Variants in NFS1 observed in about 807,000 individuals in gnomAD.
The protein encoded by NFS1 is NFS1 cysteine desulfurase, also known as cysteine desulfurase.
A neutral mutation model predicts 57.3 loss-of-function variants in NFS1; 26 were observed. The ratio of observed to expected loss-of-function variants is 0.45; its 90% CI spans 0.33 to 0.63. The LOEUF (loss-of-function observed/expected upper bound fraction) is 0.63, where lower values mean the gene tolerates loss of function less well. NFS1 is among the 20% of genes least tolerant of loss of function. NFS1 has a pLI of 0.02. For missense variants in NFS1, 505 were observed against 605.8 expected (o/e 0.83, Z 1.75); for synonymous variants, 209 against 216.3 (o/e 0.97, Z 0.30).
intron 5 of NFS1, among the ~76,000 whole-genome samples, chr20:35,688,363 T>C (rs1200109885): frequency 6.6e-6 from 1 of 152,106 alleles, no homozygotes; most frequent in East Asian, 1.9e-4. Context: ...GAGACCAGCC[T>C]GGCCAAGATG....
Position 35,672,747 on chromosome 20 carries a change from A to C in NFS1, c.1310+8T>G. ...TCTTCCAAAGCGTCTCTGATACAAT[A>C]TGTATACCTCATTTCTCGAAGACGC... On this transcript the variant is annotated splice_region_variant and intron_variant, in intron 12 of 12. Transcript: ENST00000374092. The C allele has an allele frequency of 6.3e-7, 1 of 1,578,642 alleles. No homozygotes were observed. The highest frequency in any genetic ancestry group is 8.7e-7 in the Non-Finnish European group (1 of 1,147,600).
At position 35,697,738 on chromosome 20, in the gene NFS1, G is replaced by T; in HGVS notation, c.270C>A (p.Ser90=). The T allele has an allele frequency of 6.2e-7, 1 of 1,613,956 alleles. No homozygotes were observed. The highest frequency in any genetic ancestry group is 8.5e-7 in the Non-Finnish European group (1 of 1,179,964). ...TCTCCCAGCCATAAGCATGTGTCCG[G>T]GAGTGTGGGTTCCCATAGTAGTTGA... is the stretch of plus-strand genomic sequence containing the variant. The part of the protein sequence containing the change: ...YLINYYGNPH[S]RTHAYGWESE... The change falls in exon 3 of 13, where the codon TCC becomes TCA. Residue 90 remains serine, a synonymous_variant. Coordinates refer to ENST00000374092, the MANE Select transcript of NFS1 (RefSeq NM_021100.5).
At chr20:35,688,211 T>C (rs1161310023) in intron 5 of NFS1, among the ~76,000 whole-genome samples, 1 of 151,798 alleles carries the variant, frequency 6.6e-6, no homozygotes, top group Non-Finnish European at 1.5e-5. Flanking sequence ...ATCGTGCCAT[T>C]GCACTCCAGC....
At position 35,678,681 on chromosome 20, in the gene NFS1, C is replaced by T. The variant is rs943233063; in HGVS notation, c.790+2056G>A. Among the ~76,000 whole-genome samples the T allele has an allele frequency of 2.0e-5, 3 of 151,724 alleles. No individual in the cohort carries two copies. The South Asian group carries it at 6.2e-4, about 32-fold the overall frequency. On this transcript the variant is annotated intron_variant, in intron 7 of 12. Coordinates refer to ENST00000374092, the MANE Select transcript of NFS1 (RefSeq NM_021100.5). Reference sequence around the variant, plus strand: ...TCACACCACTGCACTCCAGCCTGGGCGTCAGAGTAAGACTTTGTCTCAAAA... The same window carrying T: ...TCACACCACTGCACTCCAGCCTGGGTGTCAGAGTAAGACTTTGTCTCAAAA...
Position 35,699,150 on chromosome 20 carries a change from G to C in NFS1, c.97+42C>G. 7.3e-7 allele frequency: 1 copy of C among 1,376,520 alleles called. No individual in the cohort carries two copies. Among genetic ancestry groups the C allele is most frequent in the Non-Finnish European group, 9.3e-7 (1 of 1,072,702 alleles). The allele number at this position is 1,376,520 out of a possible 1,614,324, so 85.3% of individuals were successfully genotyped here. On this transcript the variant is annotated intron_variant, in intron 1 of 12. Transcript: ENST00000374092. The surrounding 1 kb of genome is among the most constrained non-coding windows in gnomAD (Gnocchi z 4.4). ...TATTCAGTTGCGTCGCCGCGCGGAG[G>C]GGACAGGTCCGCGCCTCCCGGAGAG...
At chr20:35,692,526 C>CCAAA (rs1568965170) in intron 4 of NFS1, among the ~76,000 whole-genome samples, 4 of 60,398 alleles carry the variant, frequency 6.6e-5, no homozygotes, top group African/African-American at 3.1e-4. Flanking sequence ...ATCATCTATA[C>CCAAA]TAAAAAAAAA....
intron 4 of NFS1, among the ~76,000 whole-genome samples, chr20:35,695,771 G>A (rs1268352621): frequency 6.6e-6 from 1 of 152,092 alleles, no homozygotes; most frequent in Non-Finnish European, 1.5e-5. Flanking sequence ...GCCGGGTACG[G>A]TGGCTCACAC....
rs762413601 is a variant in NFS1 at position 35,690,446 on chromosome 20, G to A, written c.528C>T (p.Leu176=). ...CAATGATCCCACTCTTCTGCACTGG[G>A]AGGTAGGTGACCTGAAAGCCCTCAG... ...LEAEGFQVTY[L]PVQKSGIIDL... Residue 176 remains leucine (L), a synonymous_variant, in exon 5 of 13, where the codon CTC becomes CTT. Coordinates refer to ENST00000374092, the MANE Select transcript of NFS1 (RefSeq NM_021100.5). 2 of 1,613,866 alleles carry A rather than the reference G, an allele frequency of 1.2e-6. No homozygotes were observed. Among genetic ancestry groups the A allele is most frequent in the South Asian group, 2.2e-5 (2 of 91,058 alleles).
Position 35,697,811 on chromosome 20 carries a change from C to A in NFS1, c.208-11G>T. 6.4e-7 allele frequency: 1 copy of A among 1,565,838 alleles called. No homozygotes were observed. The highest frequency in any genetic ancestry group is 1.4e-5 in the African/African-American group (1 of 73,724). On this transcript the variant is annotated splice_polypyrimidine_tract_variant and intron_variant, in intron 2 of 12. Coordinates refer to ENST00000374092, the MANE Select transcript of NFS1 (RefSeq NM_021100.5). ...AAGCACCCGGGGGTCCTGAACACAACAGAACAGATCATTTTCCTTGAGCGC... is the reference window on the plus strand; with the variant it reads ...AAGCACCCGGGGGTCCTGAACACAAAAGAACAGATCATTTTCCTTGAGCGC...
At chr20:35,680,177 C>T (rs1014513702) in intron 7 of NFS1, among the ~76,000 whole-genome samples, 6 of 152,038 alleles carry the variant, frequency 3.9e-5, no homozygotes, top group Admixed American at 6.6e-5. Flanking sequence ...TAGTGGCAGG[C>T]GCCTGTAGTC....
In NFS1 at chr20:35,674,815, G is replaced by C. The variant is rs180988544; in HGVS notation, c.949-198C>G. 88 of 683,952 alleles carry C rather than the reference G, an allele frequency of 1.3e-4. No homozygotes were observed. The East Asian group carries it at 2.2e-3, about 17-fold the overall frequency. 42.4% of individuals were successfully genotyped at this position (683,952 alleles called of 1,614,324 possible). ...AAAGGCGCTTGATAACTGGACACAG[G>C]GTTCATTTACTTATCCAGAAATAAA... On this transcript the variant is annotated intron_variant, in intron 8 of 12. Coordinates refer to ENST00000374092, the MANE Select transcript of NFS1 (RefSeq NM_021100.5).
intron 7 of NFS1, chr20:35,675,472 C>T: frequency 2.1e-6 from 1 of 469,374 alleles, no homozygotes. Context: ...TCATACATTA[C>T]AGTATTATTC....
chr20:35,680,641 CTG>C, intron 7 of NFS1, 94 bp downstream of exon 7: 1 of 1,129,808 alleles, frequency 8.9e-7, no homozygotes, highest in Non-Finnish European at 1.2e-6. Flanking sequence ...ACAACTTCCT[CTG>C]AGAGCAACAG....
At chr20:35,688,744 G>A (rs1318673641) in intron 5 of NFS1, among the ~76,000 whole-genome samples, 1 of 149,774 alleles carries the variant, frequency 6.7e-6, no homozygotes, top group African/African-American at 2.5e-5. Flanking sequence ...AGAGAGAGAG[G>A]GAGGGAGGAA....
At chr20:35,669,918 T>C (rs2034626143) in intron 12 of NFS1, among the ~76,000 whole-genome samples, 1 of 152,164 alleles carries the variant, frequency 6.6e-6, no homozygotes. Context: ...ATAACTAGGT[T>C]CCTCAGGCTC....
chr20:35,684,430 T>TAAAATAAAATAAAAG (rs2034904890), intron 5 of NFS1, among the ~76,000 whole-genome samples: 1 of 124,870 alleles, frequency 8.0e-6, no homozygotes, highest in African/African-American at 3.1e-5. Context: ...TAAAATAAAA[T>TAAAATAAAATAAAAG]AAAATAAAAT....
chr20:35,682,015 TACAA>T (rs768301275), intron 5 of NFS1, 34 bp from the exon 6 acceptor site: 126 of 1,301,936 alleles, frequency 9.7e-5, no homozygotes, highest in Admixed American at 1.7e-4. Flanking sequence ...GACTAGATAG[TACAA>T]ACAAAGTCCT....
intron 5 of NFS1, among the ~76,000 whole-genome samples, chr20:35,686,305 A>G (rs1259002496): frequency 6.8e-6 from 1 of 146,050 alleles, no homozygotes; most frequent in African/African-American, 2.6e-5. Flanking sequence ...AGCAGAGAGC[A>G]TGCCATTGCA....
chr20:35,688,908 A>C (rs2034992210), intron 5 of NFS1, among the ~76,000 whole-genome samples: 1 of 152,196 alleles, frequency 6.6e-6, no homozygotes, highest in Admixed American at 6.5e-5. Context: ...ACTGAATGTA[A>C]ATAAGATGAA....
Sources: gnomAD v4.1 joint callset for allele counts (sites outside exome capture counted in the v4.1 genomes callset) on GRCh38, gnomAD v4.1.1 for gene constraint, Gnocchi (gnomAD v3.1) non-coding constraint, MANE v1.5 for transcripts, NCBI Gene and HGNC (gene_info 2026-07-23, HGNC 2026-07-21) for gene names.